The following ZNF232 variants were observed in gnomAD, a reference collection of about 807,000 sequenced individuals.
ZNF232 encodes the protein zinc finger and SCAN domain-containing protein 11.
Under a neutral mutation model 25.2 loss-of-function variants are expected in ZNF232, and 25 were observed. The ratio of observed to expected loss-of-function variants is 0.99; its 90% CI spans 0.72 to 1.39. ZNF232 has a LOEUF of 1.39. Ranked by LOEUF, ZNF232 falls within the 40% of genes most tolerant of loss-of-function variation. ZNF232 has a pLI of 0.00. For synonymous variants in ZNF232, 193 were observed against 182.9 expected (o/e 1.06, Z -0.45); for missense variants, 519 against 520.9 (o/e 1.00, Z 0.04).
intron 1 of ZNF232, among the ~76,000 whole-genome samples, chr17:5,122,316 T>C (rs2072701505): frequency 6.6e-6 from 1 of 152,064 alleles, no homozygotes; most frequent in Non-Finnish European, 1.5e-5. Flanking sequence ...CTGGTTCCGA[T>C]GACTGTGTGA....
exon 4 of ZNF232, chr17:5,105,995 C>T (rs1484881505): frequency 2.5e-6 from 4 of 1,614,020 alleles, no homozygotes; most frequent in Admixed American, 1.7e-5. Flanking sequence ...ACTCATTACA[C>T]TCATAGGGCT....
upstream of ZNF232, chr17:5,112,002 C>T (rs950698762): frequency 1.8e-5 from 16 of 914,210 alleles, no homozygotes; most frequent in Non-Finnish European, 2.6e-5. Flanking sequence ...GGAACCGGTT[C>T]CTGGACTTGA....
At chr17:5,109,343 C>G in intron 2 of ZNF232, 51 bp downstream of exon 2, 1 of 1,607,970 alleles carries the variant, frequency 6.2e-7, no homozygotes, top group Non-Finnish European at 8.5e-7. Flanking sequence ...CTCGGTCCAG[C>G]CTGAAGGTCA....
At position 5,105,951 on chromosome 17, in the gene ZNF232, C is replaced by G. The variant is rs201959278; in HGVS notation, c.1181G>C (p.Ser394Thr). The change falls in exon 4 of 4, where the codon AGT becomes ACT. Residue 394 changes from serine to threonine, a missense_variant. Ser to Thr is a moderately conservative substitution (Grantham distance 58). Transcript: ENST00000575898. ...TCCACTGTGAATTCTCCGATGCTGA[C>G]TTAGATATGAGCTTTGACTAAAGGC... The G allele has an allele frequency of 5.0e-6, 8 of 1,614,076 alleles. No homozygotes were observed. The highest frequency in any genetic ancestry group is 5.1e-6 in the Non-Finnish European group (6 of 1,180,044).
intron 1 of ZNF232, 86 bp downstream of exon 1, chr17:5,111,714 G>A: frequency 6.2e-7 from 1 of 1,605,128 alleles, no homozygotes; most frequent in Non-Finnish European, 8.5e-7. Context: ...TGCCAGGCCT[G>A]CTCACTGCAG....
chr17:5,121,005 C>A (rs755141416), intron 1 of ZNF232, among the ~76,000 whole-genome samples: 6 of 152,174 alleles, frequency 3.9e-5, no homozygotes, highest in Non-Finnish European at 7.3e-5. Context: ...AGATCCAGGT[C>A]TCTACAAGTC....
chr17:5,106,547 G>T lies in ZNF232; in HGVS notation c.626-41C>A, dbSNP rs760061762. The T allele has an allele frequency of 5.1e-6, 8 of 1,559,902 alleles. No homozygotes were observed. The highest frequency in any genetic ancestry group is 6.1e-6 in the Non-Finnish European group (7 of 1,150,404). On this transcript the variant is annotated intron_variant, in intron 3 of 3. Transcript: ENST00000575898. ...AATATACCTGTTCTGGATGTATGAAGAAATGACACTTAGATTAAAATGTAT... is the reference window on the plus strand; with the variant it reads ...AATATACCTGTTCTGGATGTATGAATAAATGACACTTAGATTAAAATGTAT...
chr17:5,118,750 G>A lies in ZNF232; in HGVS notation c.-530+4227C>T, dbSNP rs907714913. Among the ~76,000 whole-genome samples, 13 of 152,298 alleles carry A rather than the reference G, an allele frequency of 8.5e-5. No homozygotes were observed. In the East Asian group the frequency reaches 1.2e-3, roughly 14 times the overall value. On this transcript the variant is annotated intron_variant, in intron 1 of 4. Coordinates refer to the ZNF232 transcript ENST00000250076. ...CAGAGTGATCACAGTGGCTCTCAGC[G>A]GAGAGGGGAGCTAGAGAGGGGGTAG...
intron 1 of ZNF232, among the ~76,000 whole-genome samples, chr17:5,117,094 G>T (rs1423542991): frequency 6.6e-6 from 1 of 152,152 alleles, no homozygotes; most frequent in Non-Finnish European, 1.5e-5. Context: ...CTCCTTTTTG[G>T]CACTTATGGT....
intron 1 of ZNF232, among the ~76,000 whole-genome samples, 183 bp from the exon 2 acceptor site, chr17:5,110,051 A>T (rs1422552351): frequency 6.6e-6 from 1 of 152,036 alleles, no homozygotes; most frequent in Admixed American, 6.6e-5. Context: ...CACCACATCC[A>T]GCTAATTTTT....
intron 1 of ZNF232, among the ~76,000 whole-genome samples, chr17:5,110,829 T>C (rs1179949061): frequency 6.6e-6 from 1 of 152,128 alleles, no homozygotes; most frequent in African/African-American, 2.4e-5. Context: ...CAAGCCACAG[T>C]AGGATCCGTG....
exon 4 of ZNF232, chr17:5,106,245 C>G: frequency 6.2e-7 from 1 of 1,614,260 alleles, no homozygotes; most frequent in Non-Finnish European, 8.5e-7. Context: ...ACATTCACTA[C>G]ATTCATGGTC....
chr17:5,109,879 A>G lies in ZNF232; in HGVS notation c.24-11T>C, dbSNP rs747584258. 9.5e-6 allele frequency: 15 copies of G among 1,574,716 alleles called. No homozygotes were observed. The South Asian group carries it at 1.3e-4, about 14-fold the overall frequency. ...TCTTGCAAGGGCCCCCTGTAACATA[A>G]GAAGAAATCATTCCTCTTTTTTTTT... On this transcript the variant is annotated splice_polypyrimidine_tract_variant and intron_variant, in intron 1 of 3. Coordinates refer to ENST00000575898, the Ensembl canonical transcript of ZNF232.
At chr17:5,114,594 C>G (rs1228702978), upstream of ZNF232, 4 of 152,492 alleles carry the variant, frequency 2.6e-5, no homozygotes, top group Non-Finnish European at 5.9e-5. Flanking sequence ...CTTTGGGAAA[C>G]CGAGGCGGGT....
chr17:5,108,973 A>C (rs908529256), exon 3 of ZNF232: 10 of 1,614,018 alleles, frequency 6.2e-6, no homozygotes, highest in Non-Finnish European at 8.5e-6. Flanking sequence ...CTGGATGCTC[A>C]GTGCTTCCTG....
chr17:5,105,901 A>G, exon 4 of ZNF232: 2 of 1,614,156 alleles, frequency 1.2e-6, no homozygotes, highest in Non-Finnish European at 1.7e-6. Flanking sequence ...GCTTTCCCAC[A>G]TTCTTTACAT....
Position 5,109,887 on chromosome 17 carries a change from T to A in ZNF232, c.24-19A>T, listed in dbSNP as rs1489928912. Reference sequence around the variant, plus strand: ...GGGCCCCCTGTAACATAAGAAGAAATCATTCCTCTTTTTTTTTTTTAAGAC... The same window carrying A: ...GGGCCCCCTGTAACATAAGAAGAAAACATTCCTCTTTTTTTTTTTTAAGAC... On this transcript the variant is annotated intron_variant, in intron 1 of 3. Transcript: ENST00000575898. 6.4e-7 allele frequency: 1 copy of A among 1,560,272 alleles called. No homozygotes were observed. The highest frequency in any genetic ancestry group is 1.2e-5 in the South Asian group (1 of 81,250).
At chr17:5,113,222 T>C (rs983523657), upstream of ZNF232, 1 of 152,268 alleles carries the variant, frequency 6.6e-6, no homozygotes, top group Non-Finnish European at 1.5e-5. Context: ...CAAAGTGCCA[T>C]TGATAATTAC....
At chr17:5,109,455 C>A in exon 2 of ZNF232, 1 of 1,614,112 alleles carries the variant, frequency 6.2e-7, no homozygotes, top group Non-Finnish European at 8.5e-7. Flanking sequence ...CTCCTCTCCA[C>A]TCTTAGGGTG....
Sources: allele counts gnomAD v4.1 joint callset (sites outside exome capture counted in the v4.1 genomes callset), GRCh38; gene constraint gnomAD v4.1.1; transcripts MANE v1.5; gene names NCBI Gene and HGNC (gene_info 2026-07-23, HGNC 2026-07-21).